The following BBS5 variants were observed in gnomAD, a reference collection of about 807,000 sequenced individuals.
BBS5 encodes Bardet-Biedl syndrome 5.
A neutral mutation model predicts 50.2 loss-of-function variants in BBS5; 39 were observed. The ratio of observed to expected loss-of-function variants is 0.78; its 90% CI spans 0.60 to 1.01. The LOEUF is 1.01. BBS5 is among the 50% of genes least tolerant of loss of function. The pLI is 0.00. For missense variants in BBS5, 356 were observed against 401.5 expected (o/e 0.89, Z 0.97); for synonymous variants, 134 against 133.1 (o/e 1.01, Z -0.05).
chr2:169,487,747 A>G, intron 3 of BBS5, 59 bp from the exon 4 acceptor site: 1 of 1,265,378 alleles, frequency 7.9e-7, no homozygotes, highest in South Asian at 1.3e-5. Context: ...TTTTTAGAAA[A>G]GTATTTTTTC....
intron 8 of BBS5, 54 bp downstream of exon 8, chr2:169,497,743 C>A: frequency 8.0e-7 from 1 of 1,248,290 alleles, no homozygotes; most frequent in South Asian, 1.3e-5. Flanking sequence ...ATGTGACAGT[C>A]TAGATTTTTG....
At chr2:169,485,044 A>T (rs2105293166) in intron 2 of BBS5, among the ~76,000 whole-genome samples, 1 of 152,256 alleles carries the variant, frequency 6.6e-6, no homozygotes, top group South Asian at 2.1e-4. Context: ...AGGCAAACAG[A>T]GGTGGTTGGT....
chr2:169,504,411 T>A lies in BBS5; in HGVS notation c.925-70T>A. 3 of 1,581,414 alleles carry A rather than the reference T, an allele frequency of 1.9e-6. 1 individual carries two copies. Among genetic ancestry groups the A allele is most frequent in the Non-Finnish European group, 8.7e-7 (1 of 1,150,678 alleles). On this transcript the variant is annotated intron_variant, in intron 11 of 11. Coordinates refer to ENST00000295240, the MANE Select transcript of BBS5 (RefSeq NM_152384.3). The stretch of plus-strand genomic sequence containing the variant: ...CATTCACAAACTTATGTGAAACCTA[T>A]TTTTTTGTTTTTTTCCTCTTCCTTG...
intron 7 of BBS5, among the ~76,000 whole-genome samples, chr2:169,494,515 G>A (rs920809445): frequency 1.3e-5 from 2 of 151,180 alleles, no homozygotes; most frequent in South Asian, 2.1e-4. Flanking sequence ...TCAGGAGTTC[G>A]AGACCAGCAT....
chr2:169,485,995 A>G (rs140533720), intron 2 of BBS5, among the ~76,000 whole-genome samples: 1 of 152,322 alleles, frequency 6.6e-6, no homozygotes, highest in African/African-American at 2.4e-5. Flanking sequence ...CGTTGGACCA[A>G]TGACTGAAGG....
In BBS5 at chr2:169,491,635, C is replaced by G. The variant is rs1009016172; in HGVS notation, c.387-1239C>G. On this transcript the variant is annotated intron_variant, in intron 5 of 11. Transcript: ENST00000295240. ...GATTTAATTCTCTTTCCCTCCCTCC[C>G]CCTGTCCTTTTTCCTCCCTCTTTCT... Among the ~76,000 whole-genome samples, 4 of 151,950 alleles carry G rather than the reference C, an allele frequency of 2.6e-5. No individual in the cohort carries two copies. The South Asian group carries it at 8.3e-4, about 31-fold the overall frequency.
chr2:169,490,862 T>C (rs944527697), intron 5 of BBS5, among the ~76,000 whole-genome samples: 1 of 152,206 alleles, frequency 6.6e-6, no homozygotes. Flanking sequence ...TTTGTGTCTA[T>C]ATGGATTTGC....
chr2:169,494,075 T>C (rs1683651803), intron 7 of BBS5, among the ~76,000 whole-genome samples: 1 of 152,180 alleles, frequency 6.6e-6, no homozygotes, highest in Non-Finnish European at 1.5e-5. Flanking sequence ...AGAAGAGAAA[T>C]ATACTGGATT....
At chr2:169,481,782 T>C (rs970630012) in intron 1 of BBS5, among the ~76,000 whole-genome samples, 2 of 152,202 alleles carry the variant, frequency 1.3e-5, no homozygotes, top group African/African-American at 4.8e-5. Context: ...TTTCCTCTAC[T>C]CAGAAACCTT....
intron 9 of BBS5, among the ~76,000 whole-genome samples, chr2:169,500,869 C>G (rs912113909): frequency 1.3e-5 from 2 of 152,192 alleles, no homozygotes; most frequent in African/African-American, 4.8e-5. Flanking sequence ...ACTCTGCCTT[C>G]TCTGTATATT....
At chr2:169,487,189 T>A (rs1239927429) in intron 3 of BBS5, 55 bp downstream of exon 3, 2 of 1,170,970 alleles carry the variant, frequency 1.7e-6, no homozygotes, top group Admixed American at 3.4e-5. Context: ...TCAGGTGAAT[T>A]TGCATGGTGC....
chr2:169,485,176 T>C (rs2105293236), intron 2 of BBS5, among the ~76,000 whole-genome samples: 1 of 152,138 alleles, frequency 6.6e-6, no homozygotes, highest in South Asian at 2.1e-4. Flanking sequence ...GTTGCCTAGG[T>C]AAAATGGCGT....
chr2:169,500,634 T>C (rs1039538067), intron 9 of BBS5, among the ~76,000 whole-genome samples: 1 of 152,242 alleles, frequency 6.6e-6, no homozygotes, highest in African/African-American at 2.4e-5. Context: ...TCTCTTCTTC[T>C]GCTCTTGGAC....
At chr2:169,482,582 A>G (rs1176468530) in intron 2 of BBS5, 3 of 459,544 alleles carry the variant, frequency 6.5e-6, no homozygotes, top group Non-Finnish European at 1.2e-5. Context: ...AAACTCAAGT[A>G]GACCTGTTTG....
intron 7 of BBS5, among the ~76,000 whole-genome samples, chr2:169,496,021 C>T (rs1257181523): frequency 5.3e-5 from 8 of 152,180 alleles, no homozygotes; most frequent in Non-Finnish European, 1.2e-4. Context: ...GCCAGGTTTT[C>T]GTAACAATTA....
chr2:169,505,642 C>T lies in BBS5; in HGVS notation c.*1060C>T, dbSNP rs1326694375. ...TTGGGAGGTGAGGAGCAACTCTGCCCAGCCGCCCCGTCTGAGAAGTGAGGA... is the reference window on the plus strand; with the variant it reads ...TTGGGAGGTGAGGAGCAACTCTGCCTAGCCGCCCCGTCTGAGAAGTGAGGA... On this transcript the variant is annotated 3_prime_UTR_variant, in exon 12 of 12. Coordinates refer to ENST00000295240, the MANE Select transcript of BBS5 (RefSeq NM_152384.3). 3.7e-5 allele frequency: 9 copies of T among 243,748 alleles called. No individual in the cohort carries two copies. The highest frequency in any genetic ancestry group is 7.3e-5 in the Non-Finnish European group (9 of 122,732). 15.1% of individuals were successfully genotyped at this position (243,748 alleles called of 1,614,324 possible). A position where few individuals can be genotyped will look rare whatever the true frequency, so the allele number is the denominator to read the frequency against.
intron 5 of BBS5, among the ~76,000 whole-genome samples, chr2:169,492,617 G>C (rs933325016): frequency 1.3e-5 from 2 of 152,136 alleles, no homozygotes; most frequent in African/African-American, 4.8e-5. Flanking sequence ...AGTGGCACAT[G>C]CCTATAGTCC....
chr2:169,503,988 C>CT (rs1003854251), intron 10 of BBS5, among the ~76,000 whole-genome samples: 1 of 152,004 alleles, frequency 6.6e-6, no homozygotes, highest in South Asian at 2.1e-4. Context: ...TTTTTCTTTT[C>CT]TTTTTTTCTC....
rs751260520 is a variant in BBS5 at position 169,499,667 on chromosome 2, T to C, written c.816+47T>C. On this transcript the variant is annotated intron_variant, in intron 9 of 11. Transcript: ENST00000295240. ...ATAAAGTTTGCATTGCTTTATGCAG[T>C]CTATAAAATTCAGATGTAGATACCA... 5.1e-6 allele frequency: 8 copies of C among 1,580,774 alleles called. No homozygotes were observed. The Admixed American group carries it at 8.3e-5, about 16-fold the overall frequency.
Sources: gnomAD v4.1 joint callset for allele counts (sites outside exome capture counted in the v4.1 genomes callset) on GRCh38, gnomAD v4.1.1 for gene constraint, MANE v1.5 for transcripts, NCBI Gene and HGNC (gene_info 2026-07-23, HGNC 2026-07-21) for gene names.